The following DSC2 variants were observed in gnomAD, a reference collection of about 807,000 sequenced individuals.
DSC2 encodes desmocollin 2.
In DSC2, 51 loss-of-function variants were observed where a neutral mutation model predicts 87.6. That is an observed-to-expected ratio of 0.58 (90% CI 0.46 to 0.74). The LOEUF (loss-of-function observed/expected upper bound fraction) is 0.74, where lower values mean the gene tolerates loss of function less well. DSC2 is among the 30% of genes least tolerant of loss of function. The pLI is 0.00. For synonymous variants in DSC2, 383 were observed against 393.2 expected (o/e 0.97, Z 0.31); for missense variants, 1,066 against 1,089.5 (o/e 0.98, Z 0.30).
intron 14 of DSC2, among the ~76,000 whole-genome samples, chr18:31,069,890 A>G (rs1986768550): frequency 6.6e-6 from 1 of 152,174 alleles, no homozygotes; most frequent in Admixed American, 6.6e-5. Flanking sequence ...CAATATTTCC[A>G]TTTAGTATCT....
In DSC2 at chr18:31,089,560, T is replaced by C. The variant is rs759910399; in HGVS notation, c.509A>G (p.Tyr170Cys). Residue 170 changes from tyrosine (Y) to cysteine (C), a missense_variant, in exon 5 of 16, where the codon TAC (tyrosine) becomes TGC (cysteine). By Grantham distance (194) the Tyr-to-Cys change is radical (BLOSUM62 -2). Coordinates refer to ENST00000280904, the MANE Select transcript of DSC2 (RefSeq NM_024422.6). ...AACTCCAGGACCTCTTATGGAATAG[T>C]ATATGGTATAGTTTTGGGCCGTGTC... ...QSDTAQNYTI[Y>C]YSIRGPGVDQ... 5 of 1,613,874 alleles carry C rather than the reference T, an allele frequency of 3.1e-6. No homozygotes were observed. Among genetic ancestry groups the C allele is most frequent in the Non-Finnish European group, 4.2e-6 (5 of 1,179,934 alleles).
At position 31,091,157 on chromosome 18, in the gene DSC2, T is replaced by G. The variant is rs767632593; in HGVS notation, c.355-10A>C. ...GTCTTTTCTTTAGGACCTCAATTCA[T>G]AAGACAGGAAAAAATAATAAAGTCA... On this transcript the variant is annotated splice_polypyrimidine_tract_variant and intron_variant, in intron 3 of 15. Coordinates refer to ENST00000280904, the MANE Select transcript of DSC2 (RefSeq NM_024422.6). 1.2e-6 allele frequency: 2 copies of G among 1,613,658 alleles called. No individual in the cohort carries two copies. Among genetic ancestry groups the G allele is most frequent in the Non-Finnish European group, 1.7e-6 (2 of 1,179,708 alleles).
chr18:31,083,071 A>G lies in DSC2; in HGVS notation c.943-11T>C. 6.2e-7 allele frequency: 1 copy of G among 1,608,756 alleles called. No individual in the cohort carries two copies. The highest frequency in any genetic ancestry group is 8.5e-7 in the Non-Finnish European group (1 of 1,177,462). On this transcript the variant is annotated splice_polypyrimidine_tract_variant and intron_variant, in intron 7 of 15. Coordinates refer to ENST00000280904, the MANE Select transcript of DSC2 (RefSeq NM_024422.6). The stretch of plus-strand genomic sequence containing the variant: ...GTACTTGTCAATTAACTGAAAACAA[A>G]AAAAGAATTTAATTATTGGGGGAAA...
At chr18:31,082,896 A>G (rs1987273090) in intron 8 of DSC2, 30 bp downstream of exon 8, 6 of 1,610,366 alleles carry the variant, frequency 3.7e-6, no homozygotes, top group Non-Finnish European at 2.5e-6. Flanking sequence ...TGGTCTATAC[A>G]TTTTTCTTTA....
Position 31,102,211 on chromosome 18 carries a change from G to C in DSC2, c.-240C>G, listed in dbSNP as rs1206303553. The C allele has an allele frequency of 1.1e-5, 5 of 439,216 alleles. No homozygotes were observed. Among genetic ancestry groups the C allele is most frequent in the African/African-American group, 2.2e-5 (1 of 45,968 alleles). The allele number at this position is 439,216 out of a possible 1,614,324, so 27.2% of individuals were successfully genotyped here. The stretch of plus-strand genomic sequence containing the variant: ...CAGACGCGTCCAAAAGACACCGATC[G>C]GCCCCTCCTTGTTGTCTATTTAAGA... On this transcript the variant is annotated 5_prime_UTR_variant, in exon 1 of 16. Coordinates refer to ENST00000280904, the MANE Select transcript of DSC2 (RefSeq NM_024422.6).
chr18:31,098,618 C>T (rs752713641), intron 1 of DSC2, among the ~76,000 whole-genome samples: 3 of 151,940 alleles, frequency 2.0e-5, no homozygotes, highest in Non-Finnish European at 2.9e-5. Flanking sequence ...CCATGCCTGG[C>T]TAATTTTTGT....
In DSC2 at chr18:31,074,188, A is replaced by G. The variant is rs558920097; in HGVS notation, c.1888+495T>C. On this transcript the variant is annotated intron_variant, in intron 12 of 15. Transcript: ENST00000280904. ...GCAGCTTGACTTCTCTTTTTGCCCA[A>G]TCCTACTTCTCCTCCTTTCAAAGCT... is the stretch of plus-strand genomic sequence containing the variant. Among the ~76,000 whole-genome samples, 9 of 152,234 alleles carry G rather than the reference A, an allele frequency of 5.9e-5. No homozygotes were observed. In the East Asian group the frequency reaches 1.7e-3, roughly 29 times the overall value.
chr18:31,071,921 A>C, intron 12 of DSC2, 80 bp from the exon 13 acceptor site: 1 of 1,277,496 alleles, frequency 7.8e-7, no homozygotes, highest in Non-Finnish European at 1.1e-6. Flanking sequence ...ATTATCAGAT[A>C]GTTATATTTT....
At position 31,069,116 on chromosome 18, in the gene DSC2, G is replaced by A. The variant is rs549251334; in HGVS notation, c.2286C>T (p.Gly762=). The stretch of plus-strand genomic sequence containing the variant: ...TGCCACAAACTCCCTGAGCAGAAGC[G>A]CCCACAGTTTGGGTTGTGAAGCCAT... The part of the protein sequence containing the change: ...SANGFTTQTV[G]ASAQGVCGTV... The change falls in exon 15 of 16, where the codon GGC becomes GGT. Residue 762 remains glycine, a synonymous_variant. Coordinates refer to ENST00000280904, the MANE Select transcript of DSC2 (RefSeq NM_024422.6). The A allele has an allele frequency of 5.6e-5, 90 of 1,614,052 alleles. No homozygotes were observed. The South Asian group carries it at 7.8e-4, about 14-fold the overall frequency.
chr18:31,086,796 C>T, intron 6 of DSC2, 54 bp from the exon 7 acceptor site: 1 of 1,567,666 alleles, frequency 6.4e-7, no homozygotes, highest in Admixed American at 1.8e-5. Context: ...TTCTATGTTC[C>T]CTTTATTTCA....
chr18:31,071,196 A>C (rs1986816097), intron 13 of DSC2, among the ~76,000 whole-genome samples: 1 of 152,026 alleles, frequency 6.6e-6, no homozygotes, highest in Non-Finnish European at 1.5e-5. Flanking sequence ...ATATTAAATA[A>C]AAATACAGCT....
At chr18:31,070,148 T>G (rs534468961) in intron 14 of DSC2, among the ~76,000 whole-genome samples, 35 of 152,202 alleles carry the variant, frequency 2.3e-4, no homozygotes, top group Non-Finnish European at 3.4e-4. Context: ...AAATCTTTCT[T>G]GCCCTAGTCA....
intron 1 of DSC2, 103 bp downstream of exon 1, chr18:31,101,800 C>T (rs545884156): frequency 1.6e-6 from 2 of 1,252,722 alleles, no homozygotes; most frequent in Admixed American, 2.3e-5. Flanking sequence ...CCCCTTCACC[C>T]CAGCTTTTCC....
At chr18:31,100,350 C>G (rs772352520) in intron 1 of DSC2, among the ~76,000 whole-genome samples, 37 of 152,192 alleles carry the variant, frequency 2.4e-4, no homozygotes, top group African/African-American at 7.7e-4. Flanking sequence ...CAGAGCAATG[C>G]CACGCATTGC....
chr18:31,088,342 T>C (rs1299047474), intron 5 of DSC2, among the ~76,000 whole-genome samples: 1 of 152,174 alleles, frequency 6.6e-6, no homozygotes, highest in Non-Finnish European at 1.5e-5. Context: ...GAATCAGAAA[T>C]GAAACAAATG....
intron 3 of DSC2, chr18:31,091,626 T>G (rs764506076): frequency 8.7e-6 from 4 of 458,168 alleles, no homozygotes; most frequent in Admixed American, 4.7e-5. Flanking sequence ...CAGTGAGGAA[T>G]GGCTAATGGT....
At chr18:31,090,767 C>T (rs779128280) in intron 4 of DSC2, among the ~76,000 whole-genome samples, 2 of 152,108 alleles carry the variant, frequency 1.3e-5, no homozygotes, top group South Asian at 2.1e-4. Context: ...TTAGGCTTGG[C>T]GATACCCTTG....
chr18:31,083,336 C>T (rs78092809), intron 7 of DSC2, among the ~76,000 whole-genome samples: 1 of 89,988 alleles, frequency 1.1e-5, no homozygotes, highest in Non-Finnish European at 2.6e-5. Flanking sequence ...CGGGTTCAAG[C>T]GAGGCAGGAG....
chr18:31,071,454 T>C, intron 13 of DSC2, 151 bp downstream of exon 13: 1 of 729,330 alleles, frequency 1.4e-6, no homozygotes, highest in Non-Finnish European at 2.4e-6. Context: ...GGCTGAGGCA[T>C]AAGAATCACT....
Sources: allele counts gnomAD v4.1 joint callset (sites outside exome capture counted in the v4.1 genomes callset), GRCh38; gene constraint gnomAD v4.1.1; transcripts MANE v1.5; gene names NCBI Gene and HGNC (gene_info 2026-07-23, HGNC 2026-07-21).